The following ZNF16 variants were observed in gnomAD, a reference collection of about 807,000 sequenced individuals.
The protein encoded by ZNF16 is zinc finger protein 16.
In ZNF16, 7 loss-of-function variants were observed where a neutral mutation model predicts 9.0. The ratio of observed to expected loss-of-function variants is 0.78; its 90% confidence interval spans 0.44 to 1.47. ZNF16 has a LOEUF of 1.47. Among genes scored for constraint, ZNF16 ranks in the 40% most tolerant of loss-of-function variants. The probability of loss-of-function intolerance (pLI) is 0.01; values close to 1 mark genes in which losing one functional copy is unlikely to be tolerated. For missense variants in ZNF16, 830 were observed against 854.2 expected, an observed-to-expected ratio of 0.97 and a Z score of 0.35; for synonymous variants, 312 against 301.5, an observed-to-expected ratio of 1.03 and a Z score of -0.36.
In ZNF16 at chr8:144,932,517, T is replaced by C. The variant is rs1415180691; in HGVS notation, c.270A>G (p.Ala90=). 1 of 1,614,242 alleles carries C rather than the reference T, an allele frequency of 6.2e-7. No homozygotes were observed. The highest frequency in any genetic ancestry group is 1.7e-5 in the Admixed American group (1 of 60,024). The change falls in exon 3 of 3, where the codon GCA becomes GCG. Residue 90 remains alanine, a synonymous_variant. Transcript: ENST00000394909. The surrounding 1 kb of genome is among the most constrained non-coding windows in gnomAD (Gnocchi z 5.0). ...EDIHEDLESQ[A]EISENYAGDV... ...CACCAGCATAGTTTTCTGATATTTC[T>C]GCCTGTGATTCCAAATCTTCATGAA...
chr8:144,944,839 C>T (rs1833889905), intron 2 of ZNF16: 1 of 152,196 alleles, frequency 6.6e-6, no homozygotes, highest in African/African-American at 2.4e-5. Context: ...AGTACAGTCA[C>T]TGAAGTCTTT....
intron 1 of ZNF16, among the ~76,000 whole-genome samples, chr8:144,947,392 T>TG (rs1833990766): frequency 7.3e-6 from 1 of 136,876 alleles, no homozygotes; most frequent in Non-Finnish European, 1.7e-5. Flanking sequence ...TATCCTGCTG[T>TG]GGGCCTGTAT....
At chr8:144,947,150 T>G (rs1399745712) in intron 1 of ZNF16, among the ~76,000 whole-genome samples, 3 of 123,414 alleles carry the variant, frequency 2.4e-5, no homozygotes, top group African/African-American at 1.1e-4. Flanking sequence ...CATACCCTTC[T>G]GTGGGCCTGT....
At chr8:144,941,809 C>A (rs1361280360) in intron 2 of ZNF16, among the ~76,000 whole-genome samples, 1 of 150,916 alleles carries the variant, frequency 6.6e-6, no homozygotes, top group African/African-American at 2.4e-5. Flanking sequence ...CAGGCGGGTG[C>A]CATCGTGCCC....
rs1833542718 is a variant in ZNF16 at position 144,931,588 on chromosome 8, G to A, written c.1199C>T (p.Thr400Ile). 1.2e-6 allele frequency: 2 copies of A among 1,614,176 alleles called. No homozygotes were observed. The highest frequency in any genetic ancestry group is 1.7e-6 in the Non-Finnish European group (2 of 1,180,028). ...ATTACACTCATAAGGCTTCTCTCCA[G>A]TGTGGACCCTCTGGTGCTTCCTCAG... Reference protein sequence around the residue: ...AHLRKHQRVHTGEKPYECNDC... With the variant: ...AHLRKHQRVHIGEKPYECNDC... The change falls in exon 3 of 3, where the codon ACT becomes ATT. Residue 400 changes from threonine (T) to isoleucine (I), a missense_variant. Coordinates refer to ENST00000394909, the MANE Select transcript of ZNF16 (RefSeq NM_006958.3).
chr8:144,946,591 G>GGC lies in ZNF16; in HGVS notation c.-9-377_-9-376insGC, dbSNP rs1563925648. ...GCTGTGGGCCTGTGTCCTGCTGTGG[G>GGC]TCTGTATCCTGCTGTTGGGCTTGTG... is the stretch of plus-strand genomic sequence containing the variant. On this transcript the variant is annotated intron_variant, in intron 1 of 2. Transcript: ENST00000394909. Among the ~76,000 whole-genome samples the GGC allele has an allele frequency of 2.7e-4, 37 of 134,810 alleles. 1 individual carries two copies. Among genetic ancestry groups the GGC allele is most frequent in the African/African-American group, 9.9e-4 (35 of 35,366 alleles). The allele number at this position is 134,810 out of a possible 152,430, so 88.4% of individuals were successfully genotyped here. A position where few individuals can be genotyped will look rare whatever the true frequency, so the allele number is the denominator to read the frequency against.
Position 144,931,617 on chromosome 8 carries a change from T to A in ZNF16, c.1170A>T (p.Ala390=). 1.2e-6 allele frequency: 2 copies of A among 1,613,966 alleles called. No individual in the cohort carries two copies. Among genetic ancestry groups the A allele is most frequent in the Non-Finnish European group, 1.7e-6 (2 of 1,179,958 alleles). Residue 390 remains alanine, a synonymous_variant, in exon 3 of 3, where the codon GCA becomes GCT. Coordinates refer to ENST00000394909, the MANE Select transcript of ZNF16 (RefSeq NM_006958.3). The part of the protein sequence containing the change: ...GECGKAFSQS[A]HLRKHQRVHT... Reference sequence around the variant, plus strand: ...GGACCCTCTGGTGCTTCCTCAGGTGTGCACTCTGGCTGAAGGCTTTCCCAC... The same window carrying A: ...GGACCCTCTGGTGCTTCCTCAGGTGAGCACTCTGGCTGAAGGCTTTCCCAC...
Position 144,930,619 on chromosome 8 carries a change from A to T in ZNF16, c.*119T>A. 1 of 1,147,332 alleles carries T rather than the reference A, an allele frequency of 8.7e-7. No individual in the cohort carries two copies. Among genetic ancestry groups the T allele is most frequent in the Non-Finnish European group, 1.2e-6 (1 of 820,876 alleles). 71.1% of individuals were successfully genotyped at this position (1,147,332 alleles called of 1,614,324 possible). A position where few individuals can be genotyped will look rare whatever the true frequency, so the allele number is the denominator to read the frequency against. ...GGGTCCCAGGCTATGTGGCCACTGG[A>T]TGTAGGCAGTGAGCTGAGTCCAGGC... On this transcript the variant is annotated 3_prime_UTR_variant, in exon 3 of 3. Coordinates refer to ENST00000394909, the MANE Select transcript of ZNF16 (RefSeq NM_006958.3).
Position 144,947,394 on chromosome 8 carries a change from G to A in ZNF16, c.-9-1179C>T, listed in dbSNP as rs925023741. Among the ~76,000 whole-genome samples, 255 of 150,746 alleles carry A rather than the reference G, an allele frequency of 1.7e-3. 2 individuals are homozygous for A. The highest frequency in any genetic ancestry group is 1.9e-3 in the Non-Finnish European group (128 of 67,008). Reference sequence around the variant, plus strand: ...TGCTGTGGGCCTGTATCCTGCTGTGGGCCTGTATCCTGCTGTGACCACTCT... The same window carrying A: ...TGCTGTGGGCCTGTATCCTGCTGTGAGCCTGTATCCTGCTGTGACCACTCT... On this transcript the variant is annotated intron_variant, in intron 1 of 2. Coordinates refer to ENST00000394909, the MANE Select transcript of ZNF16 (RefSeq NM_006958.3).
chr8:144,931,900 T>G lies in ZNF16; in HGVS notation c.887A>C (p.Asn296Thr), dbSNP rs1243843160. ...HHSSERPYMCNECGKAFSQNS... is the reference protein window; with the variant it reads ...HHSSERPYMCTECGKAFSQNS... ...CTGGCTGAAGGCTTTTCCACATTCATTACACATATAAGGCCTCTCACTGCT... is the reference window on the plus strand; with the variant it reads ...CTGGCTGAAGGCTTTTCCACATTCAGTACACATATAAGGCCTCTCACTGCT... The change falls in exon 3 of 3, where the codon AAT becomes ACT. Residue 296 changes from asparagine (N) to threonine (T), a missense_variant. Transcript: ENST00000394909. 6.2e-7 allele frequency: 1 copy of G among 1,614,226 alleles called. No individual in the cohort carries two copies. The highest frequency in any genetic ancestry group is 8.5e-7 in the Non-Finnish European group (1 of 1,180,042).
chr8:144,939,341 C>T (rs940588933), intron 2 of ZNF16, among the ~76,000 whole-genome samples: 1 of 152,014 alleles, frequency 6.6e-6, no homozygotes, highest in Admixed American at 6.6e-5. Context: ...CACGGTTGCT[C>T]AGTCTGTAAT....
At chr8:144,947,559 C>T (rs570771595) in intron 1 of ZNF16, among the ~76,000 whole-genome samples, 1 of 152,290 alleles carries the variant, frequency 6.6e-6, no homozygotes, top group East Asian at 1.9e-4. Context: ...CATTATGTGT[C>T]AACGCCTACC....
rs1563919482 is a variant in ZNF16, at chr8:144,932,634, C to T, written c.197-44G>A. 1.3e-6 allele frequency: 2 copies of T among 1,576,372 alleles called. No homozygotes were observed. On this transcript the variant is annotated intron_variant, in intron 2 of 2. Transcript: ENST00000394909. The surrounding 1 kb of genome is among the most constrained non-coding windows in gnomAD (Gnocchi z 5.0). Reference sequence around the variant, plus strand: ...TATCACTTGGAAGGCAGTGCTGCAGCAGGAGCAGGAACATAGACAGTCACA... The same window carrying T: ...TATCACTTGGAAGGCAGTGCTGCAGTAGGAGCAGGAACATAGACAGTCACA...
At chr8:144,937,037 GAAGT>G (rs1212644628) in intron 2 of ZNF16, among the ~76,000 whole-genome samples, 3 of 151,564 alleles carry the variant, frequency 2.0e-5, no homozygotes, top group African/African-American at 2.4e-5. Context: ...TTGTTGTTGA[GAAGT>G]AAGACTTCTT....
chr8:144,935,681 G>T (rs1303979073), intron 2 of ZNF16, among the ~76,000 whole-genome samples: 1 of 152,168 alleles, frequency 6.6e-6, no homozygotes, highest in African/African-American at 2.4e-5. Flanking sequence ...ACATCTTTAT[G>T]ATTAAAGACT....
chr8:144,939,309 T>A (rs1349722338), intron 2 of ZNF16, among the ~76,000 whole-genome samples: 1 of 152,274 alleles, frequency 6.6e-6, no homozygotes, highest in Middle Eastern at 3.4e-3. Context: ...TAAATTCACC[T>A]TTAAATCCAT....
chr8:144,942,702 A>G (rs1833834402), intron 2 of ZNF16, among the ~76,000 whole-genome samples: 2 of 152,226 alleles, frequency 1.3e-5, no homozygotes, highest in Non-Finnish European at 2.9e-5. Flanking sequence ...GCTTCTCTAC[A>G]GATGTTACCC....
At chr8:144,942,180 G>T (rs1039008713) in intron 2 of ZNF16, among the ~76,000 whole-genome samples, 3 of 150,142 alleles carry the variant, frequency 2.0e-5, no homozygotes, top group African/African-American at 7.4e-5. Flanking sequence ...GGGTTTCACT[G>T]TGTTAGCCGG....
At chr8:144,935,671 A>G (rs1424856057) in intron 2 of ZNF16, among the ~76,000 whole-genome samples, 1 of 152,240 alleles carries the variant, frequency 6.6e-6, no homozygotes. Context: ...AAGAGGAAAC[A>G]CATCTTTATG....
Sources: gnomAD v4.1 joint callset for allele counts (sites outside exome capture counted in the v4.1 genomes callset) on GRCh38, gnomAD v4.1.1 for gene constraint, Gnocchi (gnomAD v3.1) non-coding constraint, MANE v1.5 for transcripts, NCBI Gene and HGNC (gene_info 2026-07-23, HGNC 2026-07-21) for gene names.